The following ZMYM2 variants were observed in gnomAD, a reference collection of about 807,000 sequenced individuals.
The protein encoded by ZMYM2 is zinc finger MYM-type containing 2.
ZMYM2 carries 56 observed loss-of-function variants against 162.8 expected under a neutral mutation model. That is an observed-to-expected ratio of 0.34 (90% CI 0.28 to 0.43). ZMYM2 has a LOEUF of 0.43. Among genes scored for constraint, ZMYM2 ranks in the 20% least tolerant of loss-of-function variants. The pLI is 1.00. For missense variants in ZMYM2, 1,275 were observed against 1,621.8 expected (o/e 0.79, Z 3.67); for synonymous variants, 510 against 541.6 (o/e 0.94, Z 0.81).
chr13:20,012,758 C>T (rs1471193374), intron 6 of ZMYM2, among the ~76,000 whole-genome samples: 1 of 152,104 alleles, frequency 6.6e-6, no homozygotes, highest in Non-Finnish European at 1.5e-5. Context: ...GTGGAATGGA[C>T]TTATCACACT....
At chr13:19,894,153 C>T in the ZMYM2 span, among the ~76,000 whole-genome samples, 8,640 of 151,794 alleles carry the variant, frequency 0.057, 534 homozygotes, top group African/African-American at 0.14. Flanking sequence ...GATGGGGTTA[C>T]GTCTTGATAA....
At chr13:20,054,973 T>C (rs989923303) in intron 14 of ZMYM2, among the ~76,000 whole-genome samples, 4 of 150,318 alleles carry the variant, frequency 2.7e-5, no homozygotes, top group Non-Finnish European at 4.4e-5. Context: ...TTGAACTGCA[T>C]TTGTCTACTT....
chr13:20,054,211 C>A (rs1955604858), intron 14 of ZMYM2, among the ~76,000 whole-genome samples: 1 of 152,218 alleles, frequency 6.6e-6, no homozygotes, highest in Non-Finnish European at 1.5e-5. Flanking sequence ...CAAGTTACTT[C>A]ACTGTTCTTT....
chr13:19,886,292 G>A, the ZMYM2 span, among the ~76,000 whole-genome samples: 1 of 148,940 alleles, frequency 6.7e-6, no homozygotes, highest in South Asian at 2.1e-4. Context: ...AGCCTCCCAA[G>A]TAGCTGGGAT....
At chr13:20,055,305 T>A (rs574663252) in intron 14 of ZMYM2, among the ~76,000 whole-genome samples, 10 of 152,174 alleles carry the variant, frequency 6.6e-5, no homozygotes, top group Non-Finnish European at 1.5e-4. Context: ...TCACAGGCAT[T>A]TGTAGATGTG....
chr13:20,043,004 A>G (rs1385446146), intron 12 of ZMYM2, among the ~76,000 whole-genome samples: 1 of 152,070 alleles, frequency 6.6e-6, no homozygotes, highest in African/African-American at 2.4e-5. Context: ...AATTACAGAC[A>G]TGGACCACTG....
chr13:19,880,438 TC>T, the ZMYM2 span, among the ~76,000 whole-genome samples: 15 of 152,042 alleles, frequency 9.9e-5, no homozygotes, highest in South Asian at 2.1e-4. Flanking sequence ...GAATTTTTTT[TC>T]TTTTTTTGAG....
intron 21 of ZMYM2, 90 bp downstream of exon 21, chr13:20,067,480 G>A (rs1273942382): frequency 7.7e-7 from 1 of 1,295,730 alleles, no homozygotes; most frequent in East Asian, 2.5e-5. Flanking sequence ...AACCTTTATT[G>A]ACTTACCAAG....
At chr13:19,952,875 C>A in the ZMYM2 span, among the ~76,000 whole-genome samples, 1 of 152,214 alleles carries the variant, frequency 6.6e-6, no homozygotes. Flanking sequence ...GTCCCCTCCA[C>A]AGCTCATGTT....
intron 2 of ZMYM2, among the ~76,000 whole-genome samples, chr13:19,990,122 C>A (rs986436430): frequency 1.3e-5 from 2 of 152,164 alleles, no homozygotes; most frequent in Non-Finnish European, 2.9e-5. Flanking sequence ...GTTTCCTGTT[C>A]CAGTAAAATC....
the ZMYM2 span, among the ~76,000 whole-genome samples, chr13:19,908,418 A>G: frequency 2.0e-5 from 3 of 152,190 alleles, no homozygotes; most frequent in Non-Finnish European, 1.5e-5. Flanking sequence ...CAACATAAAG[A>G]TACCCTGTCT....
At chr13:20,020,026 A>G (rs994503711) in intron 7 of ZMYM2, 1 of 165,026 alleles carries the variant, frequency 6.1e-6, no homozygotes, top group African/African-American at 2.4e-5. Flanking sequence ...TGAATTAGTA[A>G]TGAGTAATAA....
chr13:19,875,626 C>CAAAA, the ZMYM2 span, among the ~76,000 whole-genome samples: 3 of 54,884 alleles, frequency 5.5e-5, no homozygotes, highest in African/African-American at 7.4e-5. Flanking sequence ...GACTCCATCG[C>CAAAA]AAAAAAAAAA....
Position 19,993,912 on chromosome 13 carries a change from T to C in ZMYM2, c.840T>C (p.His280=). The C allele has an allele frequency of 6.2e-7, 1 of 1,609,638 alleles. No homozygotes were observed. Among genetic ancestry groups the C allele is most frequent in the East Asian group, 2.2e-5 (1 of 44,852 alleles). ...VFQNGESATH[H]NPDSWISQSA... is the part of the protein sequence containing the mutation. ...AGAATGGAGAATCTGCAACTCATCA[T>C]AATCCTGGTAAGCAGTAAGAGATAC... Residue 280 remains histidine (H), a synonymous_variant, in exon 3 of 25, where the codon CAT becomes CAC. Transcript: ENST00000610343.
At chr13:20,029,171 G>A (rs1318815239) in intron 9 of ZMYM2, among the ~76,000 whole-genome samples, 4 of 152,204 alleles carry the variant, frequency 2.6e-5, no homozygotes. Flanking sequence ...TCCAAGATAA[G>A]GCACTGGCAA....
intron 21 of ZMYM2, among the ~76,000 whole-genome samples, chr13:20,069,860 A>T (rs1956949719): frequency 6.6e-6 from 1 of 152,084 alleles, no homozygotes; most frequent in South Asian, 2.1e-4. Flanking sequence ...AAGTGATCAG[A>T]GTATTATTTA....
At chr13:19,877,305 T>C in the ZMYM2 span, among the ~76,000 whole-genome samples, 2 of 152,110 alleles carry the variant, frequency 1.3e-5, no homozygotes, top group African/African-American at 4.8e-5. Flanking sequence ...GCTTCACTTC[T>C]GGTGAGAACC....
At chr13:20,078,664 AAC>A (rs1386663537) in intron 21 of ZMYM2, among the ~76,000 whole-genome samples, 1 of 152,206 alleles carries the variant, frequency 6.6e-6, no homozygotes, top group Non-Finnish European at 1.5e-5. Flanking sequence ...ATCCATAAGA[AAC>A]AGGGCCTTTG....
the ZMYM2 span, among the ~76,000 whole-genome samples, chr13:19,896,734 C>T: frequency 1.5e-4 from 14 of 90,456 alleles, no homozygotes; most frequent in African/African-American, 8.2e-4. Flanking sequence ...TCCAGCCTGA[C>T]AGAGTGACAG....
Sources: allele counts gnomAD v4.1 joint callset (sites outside exome capture counted in the v4.1 genomes callset), GRCh38; gene constraint gnomAD v4.1.1; transcripts MANE v1.5; gene names NCBI Gene and HGNC (gene_info 2026-07-23, HGNC 2026-07-21).